The following SLC14A2 variants were observed in gnomAD, a reference collection of about 807,000 sequenced individuals.
SLC14A2 encodes the protein urea transporter 2.
In SLC14A2, 91 loss-of-function variants were observed where a neutral mutation model predicts 104.6. The observed-to-expected ratio is 0.87, with a 90% CI of 0.73 to 1.04. The LOEUF (loss-of-function observed/expected upper bound fraction) is 1.04. Ranked by LOEUF, SLC14A2 falls within the 50% of genes least tolerant of loss-of-function variation. The pLI is 0.00. For missense variants in SLC14A2, 1,189 were observed against 1,156.0 expected (o/e 1.03, Z -0.41); for synonymous variants, 476 against 466.4 (o/e 1.02, Z -0.27).
chr18:45,449,419 T>C (rs2086823623), intron 1 of SLC14A2, among the ~76,000 whole-genome samples: 1 of 152,106 alleles, frequency 6.6e-6, no homozygotes, highest in South Asian at 2.1e-4. Context: ...TGTTCATACC[T>C]CTCATTTGGA....
Position 45,643,180 on chromosome 18 carries a change from T to C in SLC14A2, c.1175T>C (p.Val392Ala). The C allele has an allele frequency of 6.2e-7, 1 of 1,613,764 alleles. No individual in the cohort carries two copies. Among genetic ancestry groups the C allele is most frequent in the Non-Finnish European group, 8.5e-7 (1 of 1,179,612 alleles). Residue 392 changes from valine to alanine, a missense_variant and splice_region_variant, in exon 9 of 20, where the codon GTG (valine) becomes GCG (alanine). By Grantham distance (64) the Val-to-Ala change is moderately conservative. Transcript: ENST00000255226. ...MEAAISNIMS[V>A]VGVPPGTWAF... ...GCAGCCATCTCCAACATCATGTCAG[T>C]GGTAAGTGTGGATTCTCCTGAACAC...
intron 8 of SLC14A2, 35 bp downstream of exon 8, chr18:45,641,378 C>G (rs775306321): frequency 4.3e-6 from 7 of 1,611,832 alleles, no homozygotes; most frequent in Non-Finnish European, 5.1e-6. Context: ...CCAGGTTATT[C>G]TGGCTATTCC....
At chr18:45,496,310 G>A (rs1196990025) in intron 2 of SLC14A2, among the ~76,000 whole-genome samples, 1 of 152,202 alleles carries the variant, frequency 6.6e-6, no homozygotes, top group African/African-American at 2.4e-5. Context: ...ACTGAAAGAT[G>A]CCTGGATAGC....
intron 10 of SLC14A2, among the ~76,000 whole-genome samples, chr18:45,656,568 A>T (rs1191234788): frequency 6.6e-6 from 1 of 152,238 alleles, no homozygotes; most frequent in East Asian, 1.9e-4. Context: ...TGATACAGAC[A>T]TGCAATTCTG....
At chr18:45,440,384 C>G (rs932486836) in intron 1 of SLC14A2, 4 of 152,206 alleles carry the variant, frequency 2.6e-5, no homozygotes, top group African/African-American at 4.8e-5. Context: ...TACTCCAAGA[C>G]CATAGAGATG....
At chr18:45,445,329 C>T (rs1020245518) in intron 1 of SLC14A2, among the ~76,000 whole-genome samples, 6 of 152,096 alleles carry the variant, frequency 3.9e-5, no homozygotes, top group Admixed American at 3.9e-4. Flanking sequence ...CCAGGCAGAT[C>T]TCGAACTCCT....
At chr18:45,459,118 A>T (rs967769014) in intron 1 of SLC14A2, among the ~76,000 whole-genome samples, 10 of 152,154 alleles carry the variant, frequency 6.6e-5, no homozygotes, top group Non-Finnish European at 1.5e-4. Flanking sequence ...TAATATTAGA[A>T]TCCAAACTCT....
chr18:45,648,474 G>C (rs1025071636), intron 10 of SLC14A2, among the ~76,000 whole-genome samples: 2 of 151,934 alleles, frequency 1.3e-5, no homozygotes, highest in African/African-American at 2.4e-5. Context: ...CAAGGTGCTG[G>C]GATTACAGGC....
At chr18:45,563,698 T>A (rs931559675) in intron 2 of SLC14A2, among the ~76,000 whole-genome samples, 2 of 152,256 alleles carry the variant, frequency 1.3e-5, no homozygotes, top group African/African-American at 4.8e-5. Flanking sequence ...AACTCTTTGA[T>A]CATCTCTTTA....
chr18:45,621,205 G>A (rs561257556), intron 1 of SLC14A2, among the ~76,000 whole-genome samples: 1 of 152,168 alleles, frequency 6.6e-6, no homozygotes, highest in African/African-American at 2.4e-5. Flanking sequence ...GGGGCTTGTC[G>A]GATTTCACTG....
chr18:45,609,742 T>C (rs1399124011), intron 2 of SLC14A2, among the ~76,000 whole-genome samples: 5 of 152,192 alleles, frequency 3.3e-5, no homozygotes, highest in Non-Finnish European at 7.3e-5. Flanking sequence ...TGAGCAAGAC[T>C]CCATTTCCAA....
intron 2 of SLC14A2, among the ~76,000 whole-genome samples, chr18:45,532,051 T>C (rs2043699883): frequency 6.6e-6 from 1 of 152,200 alleles, no homozygotes; most frequent in Non-Finnish European, 1.5e-5. Context: ...TTCTGTTCCA[T>C]TGGTCTATAT....
chr18:45,390,206 C>T (rs2085945344), intron 1 of SLC14A2, among the ~76,000 whole-genome samples: 1 of 152,124 alleles, frequency 6.6e-6, no homozygotes, highest in Non-Finnish European at 1.5e-5. Flanking sequence ...CTGAGACTGG[C>T]TCTGATATGT....
intron 1 of SLC14A2, among the ~76,000 whole-genome samples, chr18:45,377,500 AC>A (rs2085788021): frequency 6.6e-6 from 1 of 152,124 alleles, no homozygotes; most frequent in Non-Finnish European, 1.5e-5. Context: ...AAAGTCTAAA[AC>A]CTAGTCCTTC....
In SLC14A2 at chr18:45,585,440, G is replaced by C. The variant is rs528470234; in HGVS notation, c.-34-39191G>C. On this transcript the variant is annotated intron_variant, in intron 2 of 20. Transcript: ENST00000586448. ...CCAGTATCTAAAACAGCACACAATA[G>C]GTCCTCAACAAATAGTAGTTGAATG... Among the ~76,000 whole-genome samples, 125 of 152,254 alleles carry C rather than the reference G, an allele frequency of 8.2e-4. 2 individuals are homozygous for C. The highest frequency in any genetic ancestry group is 3.0e-3 in the African/African-American group (125 of 41,544).
chr18:45,270,873 G>T (rs1426078797), intron 1 of SLC14A2, among the ~76,000 whole-genome samples: 1 of 152,034 alleles, frequency 6.6e-6, no homozygotes, highest in Non-Finnish European at 1.5e-5. Flanking sequence ...CTAGATCTTG[G>T]GCTTCACTCA....
chr18:45,372,408 T>C (rs186407399), intron 1 of SLC14A2, among the ~76,000 whole-genome samples: 1 of 152,216 alleles, frequency 6.6e-6, no homozygotes, highest in African/African-American at 2.4e-5. Context: ...CTGGAGATGA[T>C]CTGGAAACAT....
intron 2 of SLC14A2, among the ~76,000 whole-genome samples, chr18:45,566,935 AG>A (rs753879773): frequency 5.7e-4 from 86 of 152,174 alleles, no homozygotes; most frequent in Non-Finnish European, 1.1e-3. Flanking sequence ...AACAACTAAA[AG>A]TTTCTGCCTT....
intron 1 of SLC14A2, among the ~76,000 whole-genome samples, chr18:45,426,698 T>TACACACACACACACACACAC (rs34456057): frequency 7.1e-6 from 1 of 140,960 alleles, no homozygotes. Context: ...TATACATACA[T>TACACACACACACACACACAC]ACACACACAC....
Sources: allele counts gnomAD v4.1 joint callset (sites outside exome capture counted in the v4.1 genomes callset), GRCh38; gene constraint gnomAD v4.1.1; transcripts MANE v1.5; gene names NCBI Gene and HGNC (gene_info 2026-07-23, HGNC 2026-07-21).